NBDY: variants seen among roughly 807,000 people sequenced by gnomAD.
The protein encoded by NBDY is negative regulator of P-body association, also known as P-body dissociating protein.
chrX:56,788,845 C>G (rs559286953), intron 2 of NBDY, among the ~76,000 whole-genome samples: 35 of 112,488 alleles, frequency 3.1e-4, no homozygotes, highest in Middle Eastern at 4.6e-3. Context: ...GTCAGGGCCT[C>G]TAGAGTAACT....
At chrX:56,735,627 A>G (rs2069484610) in intron 2 of NBDY, among the ~76,000 whole-genome samples, 2 of 112,169 alleles carry the variant, frequency 1.8e-5, no homozygotes, top group South Asian at 7.4e-4. Context: ...GAGATGCCTC[A>G]GTTCTAGTCT....
chrX:56,787,990 T>C (rs1363465984), intron 2 of NBDY, among the ~76,000 whole-genome samples: 1 of 112,779 alleles, frequency 8.9e-6, no homozygotes, highest in Non-Finnish European at 1.9e-5. Context: ...GCTGCAGCCC[T>C]ATGATCCCAG....
At chrX:56,812,668 C>T (rs2069892998) in intron 2 of NBDY, among the ~76,000 whole-genome samples, 1 of 111,302 alleles carries the variant, frequency 9.0e-6, no homozygotes, top group Middle Eastern at 4.7e-3. Flanking sequence ...TCCTTTCACC[C>T]GGACGTCACT....
chrX:56,763,203 G>A (rs1007250603), intron 2 of NBDY, among the ~76,000 whole-genome samples: 11 of 112,401 alleles, frequency 9.8e-5, no homozygotes, highest in African/African-American at 3.6e-4. Flanking sequence ...TGCTTAAAAA[G>A]GAACCTCACT....
chrX:56,800,429 G>A (rs1195997021), intron 2 of NBDY, among the ~76,000 whole-genome samples: 2 of 111,325 alleles, frequency 1.8e-5, no homozygotes, highest in African/African-American at 6.6e-5. Flanking sequence ...GTATTTGCTG[G>A]TGGAGTGTGT....
At chrX:56,804,849 A>G (rs760524684) in intron 2 of NBDY, among the ~76,000 whole-genome samples, 1 of 112,353 alleles carries the variant, frequency 8.9e-6, no homozygotes, top group South Asian at 3.7e-4. Context: ...CTGTGGCCTC[A>G]TTGCTCTAAA....
intron 2 of NBDY, among the ~76,000 whole-genome samples, chrX:56,757,219 A>G (rs1193460969): frequency 8.9e-6 from 1 of 111,939 alleles, no homozygotes; most frequent in Non-Finnish European, 1.9e-5. Flanking sequence ...ACATTAATAT[A>G]TTTCCTTATA....
rs2069499610 is a variant in NBDY, at chrX:56,737,166, A to G, written c.*166+4967A>G. The G allele has an allele frequency of 4.8e-6, 3 of 629,776 alleles. No homozygotes were observed. The Admixed American group carries it at 6.9e-5, about 14-fold the overall frequency. The allele number at this position is 629,776 out of a possible 1,213,427, so 51.9% of individuals were successfully genotyped here. ...ATTTAAAGTAAAACATCTGCAGACC[A>G]AATAATTCTTAAAATTGTTTGTTTC... On this transcript the variant is annotated intron_variant, in intron 2 of 2. Transcript: ENST00000374922.
intron 2 of NBDY, among the ~76,000 whole-genome samples, chrX:56,755,372 A>T (rs2069604710): frequency 8.9e-6 from 1 of 112,217 alleles, no homozygotes; most frequent in South Asian, 3.7e-4. Flanking sequence ...AATGGGAGAA[A>T]ATTTTTGCAA....
intron 2 of NBDY, among the ~76,000 whole-genome samples, chrX:56,803,165 A>C (rs2146738753): frequency 9.2e-6 from 1 of 108,920 alleles, no homozygotes; most frequent in East Asian, 2.9e-4. Context: ...CGAGAGAGGA[A>C]CTCCTGGCTG....
In NBDY at chrX:56,780,948, T is replaced by C. The variant is rs747856081; in HGVS notation, c.*167-36372T>C. On this transcript the variant is annotated intron_variant, in intron 2 of 2. Transcript: ENST00000374922. ...TGTGAGTGTCAGAGGTCCTCGGTTTTAACTTTTAACTCCCATCACATCTCA... is the reference window on the plus strand; with the variant it reads ...TGTGAGTGTCAGAGGTCCTCGGTTTCAACTTTTAACTCCCATCACATCTCA... 5.4e-3 allele frequency among the ~76,000 whole-genome samples: 573 copies of C among 107,007 alleles called. 3 individuals carry two copies. Among genetic ancestry groups the C allele is most frequent in the South Asian group, 0.012 (29 of 2,357 alleles). 92.9% of individuals were successfully genotyped at this position (107,007 alleles called of 115,157 possible). A position where few individuals can be genotyped will look rare whatever the true frequency, so the allele number is the denominator to read the frequency against.
At chrX:56,750,894 A>C (rs999839103) in intron 2 of NBDY, among the ~76,000 whole-genome samples, 14 of 111,839 alleles carry the variant, frequency 1.3e-4, no homozygotes, top group African/African-American at 4.2e-4. Flanking sequence ...AGTACTGTGT[A>C]CTGACTCTTG....
chrX:56,800,632 A>C (rs1485898440), intron 2 of NBDY, among the ~76,000 whole-genome samples: 2 of 110,795 alleles, frequency 1.8e-5, no homozygotes, highest in Non-Finnish European at 3.8e-5. Context: ...ATTTCAGTTC[A>C]CTCTCAACCT....
At chrX:56,741,749 G>A (rs1482007788) in intron 2 of NBDY, among the ~76,000 whole-genome samples, 1 of 111,144 alleles carries the variant, frequency 9.0e-6, no homozygotes, top group Admixed American at 9.6e-5. Flanking sequence ...TTAATTTCTT[G>A]TCAAAAGTGT....
chrX:56,783,288 C>T (rs1382862372), intron 2 of NBDY, among the ~76,000 whole-genome samples: 2 of 112,901 alleles, frequency 1.8e-5, no homozygotes, highest in Admixed American at 1.9e-4. Flanking sequence ...CAGAAACTGC[C>T]GGGCATGAGT....
chrX:56,800,452 G>A (rs745701072), intron 2 of NBDY, among the ~76,000 whole-genome samples: 1 of 111,279 alleles, frequency 9.0e-6, no homozygotes, highest in African/African-American at 3.3e-5. Context: ...GATGGTGTGG[G>A]GGTGGGGGCA....
In NBDY at chrX:56,818,681, A is replaced by T. The variant is rs1203884724; in HGVS notation, c.*1528A>T. The T allele has an allele frequency of 1.8e-5, 2 of 112,148 alleles. No homozygotes were observed. Among genetic ancestry groups the T allele is most frequent in the Non-Finnish European group, 3.8e-5 (2 of 53,228 alleles). The allele number at this position is 112,148 out of a possible 1,213,427, so 9.2% of individuals were successfully genotyped here. ...GGTTGCCTACTTTGAAGAAATTTAT[A>T]ACCTGATTCTAAAGTTCATATGAAA... On this transcript the variant is annotated 3_prime_UTR_variant, in exon 3 of 3. Coordinates refer to ENST00000374922, the MANE Select transcript of NBDY (RefSeq NM_001348129.2).
At chrX:56,795,857 CTG>C (rs1224183977) in intron 2 of NBDY, among the ~76,000 whole-genome samples, 1 of 112,629 alleles carries the variant, frequency 8.9e-6, no homozygotes, top group African/African-American at 3.2e-5. Flanking sequence ...AAGATCTGGA[CTG>C]TGTCTTTAGG....
At chrX:56,740,537 A>C (rs1288083057) in intron 2 of NBDY, among the ~76,000 whole-genome samples, 2 of 111,633 alleles carry the variant, frequency 1.8e-5, no homozygotes, top group Non-Finnish European at 3.8e-5. Flanking sequence ...ATCAGTTACC[A>C]AGAGAGTTAA....
Sources: allele counts gnomAD v4.1 joint callset (sites outside exome capture counted in the v4.1 genomes callset), GRCh38; gene constraint gnomAD v4.1.1; transcripts MANE v1.5; gene names NCBI Gene and HGNC (gene_info 2026-07-23, HGNC 2026-07-21).